The following WDR7 variants were observed in gnomAD, a reference collection of about 807,000 sequenced individuals.
WDR7 encodes WD repeat-containing protein 7.
Under a neutral mutation model 169.4 loss-of-function variants are expected in WDR7, and 46 were observed. The observed-to-expected ratio is 0.27, with a 90% confidence interval of 0.21 to 0.35. The LOEUF (loss-of-function observed/expected upper bound fraction) is 0.35, where lower values mean the gene tolerates loss of function less well. WDR7 is among the 10% of genes least tolerant of loss of function. The pLI is 1.00. For missense variants in WDR7, 1,534 were observed against 1,859.3 expected (o/e 0.83, Z 3.22); for synonymous variants, 612 against 666.8 (o/e 0.92, Z 1.27).
chr18:56,920,284 T>C (rs1464904348), intron 21 of WDR7, among the ~76,000 whole-genome samples: 1 of 152,172 alleles, frequency 6.6e-6, no homozygotes, highest in Admixed American at 6.6e-5. Context: ...GAAGCCTTCT[T>C]ATAGCCCCCA....
intron 12 of WDR7, among the ~76,000 whole-genome samples, chr18:56,705,852 G>T (rs2025938865): frequency 6.6e-6 from 1 of 152,144 alleles, no homozygotes; most frequent in African/African-American, 2.4e-5. Context: ...AAAAAAATTA[G>T]CTGGGTGTGG....
intron 26 of WDR7, among the ~76,000 whole-genome samples, chr18:56,968,691 C>T (rs148042789): frequency 6.7e-4 from 102 of 152,262 alleles, no homozygotes; most frequent in African/African-American, 2.2e-3. Flanking sequence ...TGCCTTGTCA[C>T]GCAGCCTACA....
At chr18:56,808,485 T>C (rs1219900078) in intron 19 of WDR7, among the ~76,000 whole-genome samples, 1 of 152,178 alleles carries the variant, frequency 6.6e-6, no homozygotes, top group African/African-American at 2.4e-5. Context: ...TTCTCCATTC[T>C]TAGTCCTAGC....
At chr18:56,852,592 A>C (rs1312798947) in intron 20 of WDR7, among the ~76,000 whole-genome samples, 1 of 152,194 alleles carries the variant, frequency 6.6e-6, no homozygotes, top group Non-Finnish European at 1.5e-5. Context: ...AATATCAAGC[A>C]ATTAATGATT....
chr18:57,021,472 T>A (rs1202426942), intron 27 of WDR7, among the ~76,000 whole-genome samples: 1 of 152,254 alleles, frequency 6.6e-6, no homozygotes, highest in Admixed American at 6.5e-5. Flanking sequence ...TATCTCATTT[T>A]TCTTTGCATT....
intron 17 of WDR7, among the ~76,000 whole-genome samples, chr18:56,778,386 C>G (rs2044269932): frequency 6.6e-6 from 1 of 152,128 alleles, no homozygotes; most frequent in African/African-American, 2.4e-5. Flanking sequence ...AACATGATAG[C>G]AGACTTTTTT....
At chr18:56,744,163 C>T (rs1237127969) in intron 14 of WDR7, among the ~76,000 whole-genome samples, 1 of 148,714 alleles carries the variant, frequency 6.7e-6, no homozygotes, top group East Asian at 2.1e-4. Flanking sequence ...GGCGTGAACC[C>T]GGGAGGCGGA....
At chr18:57,008,225 A>G (rs769157833) in intron 26 of WDR7, among the ~76,000 whole-genome samples, 3 of 151,814 alleles carry the variant, frequency 2.0e-5, no homozygotes, top group Non-Finnish European at 2.9e-5. Context: ...GTCCATGCCC[A>G]CTTCCTCATT....
At chr18:56,734,318 T>C (rs371970363) in intron 14 of WDR7, among the ~76,000 whole-genome samples, 6 of 152,082 alleles carry the variant, frequency 3.9e-5, no homozygotes, top group East Asian at 1.9e-4. Flanking sequence ...TTGTGACAGA[T>C]TGACATTTTG....
chr18:56,695,663 A>G (rs1463256990), intron 11 of WDR7, among the ~76,000 whole-genome samples: 2 of 151,940 alleles, frequency 1.3e-5, no homozygotes, highest in Admixed American at 1.3e-4. Flanking sequence ...CAGCCCCCCA[A>G]GTAGCTGGGA....
intron 12 of WDR7, among the ~76,000 whole-genome samples, chr18:56,704,702 A>G (rs1389411568): frequency 6.6e-6 from 1 of 152,214 alleles, no homozygotes; most frequent in Non-Finnish European, 1.5e-5. Flanking sequence ...AACAGTAATG[A>G]GAAAGACTGC....
chr18:56,687,794 T>C (rs2025473212), intron 7 of WDR7, among the ~76,000 whole-genome samples: 1 of 152,076 alleles, frequency 6.6e-6, no homozygotes, highest in Non-Finnish European at 1.5e-5. Flanking sequence ...GCCTGGCTAA[T>C]TTTAGAATTT....
In WDR7 at chr18:57,027,097, G is replaced by A. The variant is rs573261188; in HGVS notation, c.4363G>A (p.Ala1455Thr). 46 of 1,614,026 alleles carry A rather than the reference G, an allele frequency of 2.9e-5. 1 individual carries two copies. The highest frequency in any genetic ancestry group is 2.0e-4 in the Admixed American group (12 of 60,008). Residue 1455 changes from alanine (A) to threonine (T), a missense_variant, in exon 28 of 28, where the codon GCG (alanine) becomes ACG (threonine). Physicochemically the swap from Ala to Thr is moderately conservative, Grantham distance 58. Transcript: ENST00000254442. ...KTYQVPPVQP[A>T]SPGSHNALKL... ...CTACCAGGTGCCCCCTGTGCAGCCC[G>A]CGTCCCCCGGCTCCCACAATGCCCT...
intron 7 of WDR7, among the ~76,000 whole-genome samples, chr18:56,687,308 A>G (rs1190217653): frequency 6.6e-6 from 1 of 152,222 alleles, no homozygotes; most frequent in African/African-American, 2.4e-5. Flanking sequence ...GTAGGGTGTT[A>G]TTAAAGCTAA....
At chr18:56,959,573 A>G (rs141772504) in intron 25 of WDR7, among the ~76,000 whole-genome samples, 1 of 152,258 alleles carries the variant, frequency 6.6e-6, no homozygotes, top group African/African-American at 2.4e-5. Flanking sequence ...TGCCTAAGTG[A>G]CATGTTATCA....
chr18:56,991,295 C>A (rs1381394006), intron 26 of WDR7, among the ~76,000 whole-genome samples: 1 of 152,138 alleles, frequency 6.6e-6, no homozygotes, highest in Non-Finnish European at 1.5e-5. Flanking sequence ...TACAGGCGTC[C>A]GTCACCACTC....
At chr18:56,700,414 G>A (rs1234180560) in intron 12 of WDR7, among the ~76,000 whole-genome samples, 3 of 151,008 alleles carry the variant, frequency 2.0e-5, no homozygotes, top group Non-Finnish European at 4.4e-5. Context: ...GTGCCACCTT[G>A]CCCAGCTAAT....
intron 26 of WDR7, among the ~76,000 whole-genome samples, chr18:56,986,581 T>G (rs1330973581): frequency 6.6e-6 from 1 of 152,122 alleles, no homozygotes; most frequent in East Asian, 1.9e-4. Context: ...TGGTATATAG[T>G]ATAGCCTTAG....
chr18:56,660,725 G>A (rs2024887882), intron 1 of WDR7, among the ~76,000 whole-genome samples: 1 of 151,440 alleles, frequency 6.6e-6, no homozygotes, highest in Non-Finnish European at 1.5e-5. Context: ...AGGAAAGTCA[G>A]GAAAAAGTGA....
Sources: allele counts gnomAD v4.1 joint callset (sites outside exome capture counted in the v4.1 genomes callset), GRCh38; gene constraint gnomAD v4.1.1; transcripts MANE v1.5; gene names NCBI Gene and HGNC (gene_info 2026-07-23, HGNC 2026-07-21).